Variants in IL34 observed in about 807,000 individuals in gnomAD.
IL34 encodes the protein interleukin-34.
IL34 carries 17 observed loss-of-function variants against 25.3 expected under a neutral mutation model. The observed-to-expected ratio is 0.67, with a 90% confidence interval of 0.46 to 1.01. IL34 has a LOEUF of 1.01. IL34 is among the 50% of genes least tolerant of loss of function. The pLI is 0.00. For synonymous variants in IL34, 174 were observed against 140.9 expected (o/e 1.23, Z -1.66); for missense variants, 368 against 312.9 (o/e 1.18, Z -1.33).
chr16:70,615,587 A>T, intron 1 of IL34, among the ~76,000 whole-genome samples: 1 of 152,232 alleles, frequency 6.6e-6, no homozygotes, highest in East Asian at 1.9e-4. Flanking sequence ...TTCACGCTTT[A>T]GTGTGAATTA....
intron 1 of IL34, among the ~76,000 whole-genome samples, chr16:70,611,782 T>G (rs1370875321): frequency 6.6e-6 from 1 of 151,108 alleles, no homozygotes; most frequent in African/African-American, 2.4e-5. Context: ...AGGCAGAGGT[T>G]GCAGTGAGCC....
Position 70,660,275 on chromosome 16 carries a change from G to A in IL34, c.*88G>A, listed in dbSNP as rs917604278. Reference sequence around the variant, plus strand: ...GTCTGAGACTTCAAGGGGTGGTGGTGGGAGCCCCCCTTGGGAGAGGACCCC... The same window carrying A: ...GTCTGAGACTTCAAGGGGTGGTGGTAGGAGCCCCCCTTGGGAGAGGACCCC... On this transcript the variant is annotated 3_prime_UTR_variant, in exon 6 of 6. Coordinates refer to ENST00000288098, the MANE Select transcript of IL34 (RefSeq NM_001393494.1). The A allele has an allele frequency of 2.6e-5, 33 of 1,279,270 alleles. No individual in the cohort carries two copies. Among genetic ancestry groups the A allele is most frequent in the Non-Finnish European group, 3.3e-5 (31 of 946,648 alleles). 79.2% of individuals were successfully genotyped at this position (1,279,270 alleles called of 1,614,324 possible). A position where few individuals can be genotyped will look rare whatever the true frequency, so the allele number is the denominator to read the frequency against.
At chr16:70,649,426 T>A (rs1217469736) in intron 1 of IL34, among the ~76,000 whole-genome samples, 2 of 152,196 alleles carry the variant, frequency 1.3e-5, no homozygotes, top group Non-Finnish European at 2.9e-5. Context: ...ATGGCAATGG[T>A]AAACTGACAT....
At chr16:70,632,646 G>A (rs1387605919) in intron 1 of IL34, among the ~76,000 whole-genome samples, 2 of 152,164 alleles carry the variant, frequency 1.3e-5, no homozygotes, top group Non-Finnish European at 2.9e-5. Flanking sequence ...GTGCTGCACA[G>A]AGACCATGTG....
chr16:70,654,698 C>A, intron 2 of IL34, 27 bp downstream of exon 2: 1 of 1,578,728 alleles, frequency 6.3e-7, no homozygotes, highest in South Asian at 1.1e-5. Context: ...CAGCTGTGTC[C>A]CTGTCCCCGC....
intron 1 of IL34, among the ~76,000 whole-genome samples, chr16:70,591,460 T>C (rs577507722): frequency 6.6e-6 from 1 of 151,674 alleles, no homozygotes; most frequent in South Asian, 2.1e-4. Flanking sequence ...TCCCAGCTAC[T>C]CAGGAGGCTG....
At chr16:70,617,723 G>C (rs1301625039) in intron 1 of IL34, among the ~76,000 whole-genome samples, 5 of 152,040 alleles carry the variant, frequency 3.3e-5, no homozygotes, top group African/African-American at 1.2e-4. Flanking sequence ...TCTTGAAGAC[G>C]GAGGACCGTA....
chr16:70,627,814 C>T (rs551099706), intron 1 of IL34, among the ~76,000 whole-genome samples: 7 of 152,140 alleles, frequency 4.6e-5, no homozygotes, highest in African/African-American at 1.7e-4. Context: ...TTTTAAAAAA[C>T]TTTAAACACG....
chr16:70,593,348 A>G (rs1159656499), intron 1 of IL34, among the ~76,000 whole-genome samples: 1 of 152,206 alleles, frequency 6.6e-6, no homozygotes, highest in Non-Finnish European at 1.5e-5. Context: ...ATAGAAAAAC[A>G]TCACCAAACC....
chr16:70,590,644 T>A (rs2050742561), intron 1 of IL34, among the ~76,000 whole-genome samples: 1 of 152,140 alleles, frequency 6.6e-6, no homozygotes, highest in Admixed American at 6.6e-5. Flanking sequence ...TGAACAGGCT[T>A]GATCTCAAAT....
chr16:70,642,575 C>T (rs12598456), upstream of IL34, among the ~76,000 whole-genome samples: 49,894 of 151,844 alleles, frequency 0.33, 8,311 homozygotes, highest in South Asian at 0.45. Context: ...GGATTACAGG[C>T]GTGAGCCACT....
In IL34 at chr16:70,613,886, AAG is replaced by A. The variant is rs1491086978; in HGVS notation, c.-400-32660_-400-32659del. ...GAGACTCTGTCTCAGGAAAAAAAAA[AAG>A]AAAGAAATGCAGAGTCCAGCCAGGC... On this transcript the variant is annotated intron_variant, in intron 1 of 6. Transcript: ENST00000429149. Among the ~76,000 whole-genome samples the A allele has an allele frequency of 2.3e-4, 33 of 146,356 alleles. 1 individual carries two copies. Among genetic ancestry groups the A allele is most frequent in the African/African-American group, 8.4e-4 (33 of 39,306 alleles).
intron 1 of IL34, among the ~76,000 whole-genome samples, chr16:70,587,019 G>T (rs1225020761): frequency 6.6e-6 from 1 of 152,216 alleles, no homozygotes; most frequent in Non-Finnish European, 1.5e-5. Context: ...CTGCCTGCGT[G>T]AGATGGAGGC....
chr16:70,621,318 G>A lies in IL34; in HGVS notation c.-400-25230G>A, dbSNP rs902459385. Among the ~76,000 whole-genome samples the A allele has an allele frequency of 2.6e-5, 4 of 152,140 alleles. No homozygotes were observed. In the South Asian group the frequency reaches 8.3e-4, roughly 32 times the overall value. ...TCCGTGACTGGCACCGGAGTTTTGGGTCCACGGATAAAACATGTCTCCTTC... is the reference window on the plus strand; with the variant it reads ...TCCGTGACTGGCACCGGAGTTTTGGATCCACGGATAAAACATGTCTCCTTC... On this transcript the variant is annotated intron_variant, in intron 1 of 6. Coordinates refer to the IL34 transcript ENST00000429149.
chr16:70,597,454 C>T (rs967290768), intron 1 of IL34, among the ~76,000 whole-genome samples: 4 of 152,000 alleles, frequency 2.6e-5, no homozygotes, highest in Non-Finnish European at 5.9e-5. Flanking sequence ...CTCCTGGGCT[C>T]AAGTGATCCT....
chr16:70,651,201 C>T (rs544203668), intron 1 of IL34, among the ~76,000 whole-genome samples: 1 of 151,936 alleles, frequency 6.6e-6, no homozygotes, highest in Non-Finnish European at 1.5e-5. Context: ...AGAAGAGTCT[C>T]TGGGAGGCTT....
At chr16:70,644,734 A>AGAGGAAGAGGAGGAGGGAGGAGG (rs1432726256), upstream of IL34, among the ~76,000 whole-genome samples, 212 of 113,538 alleles carry the variant, frequency 1.9e-3, 1 homozygote, top group African/African-American at 6.9e-3. Flanking sequence ...GGGAGGGGGA[A>AGAGGAAGAGGAGGAGGGAGGAGG]GAGGAAGAGG....
intron 1 of IL34, among the ~76,000 whole-genome samples, chr16:70,580,434 C>T (rs1189936324): frequency 6.6e-6 from 1 of 152,216 alleles, no homozygotes; most frequent in African/African-American, 2.4e-5. Flanking sequence ...GTCTTTGGAC[C>T]TTAATGTACT....
At chr16:70,648,896 C>T (rs1307254341) in intron 1 of IL34, among the ~76,000 whole-genome samples, 1 of 152,208 alleles carries the variant, frequency 6.6e-6, no homozygotes, top group Non-Finnish European at 1.5e-5. Context: ...CTTCCAGCTC[C>T]TGGTGGCTCC....
Sources: allele counts gnomAD v4.1 joint callset (sites outside exome capture counted in the v4.1 genomes callset), GRCh38; gene constraint gnomAD v4.1.1; transcripts MANE v1.5; gene names NCBI Gene and HGNC (gene_info 2026-07-23, HGNC 2026-07-21).